The following TNR variants were observed in gnomAD, a reference collection of about 807,000 sequenced individuals.
TNR encodes tenascin R, also known as tenascin-R.
In TNR, 45 loss-of-function variants were observed where a neutral mutation model predicts 150.4. That is an observed-to-expected ratio of 0.30 (90% CI 0.24 to 0.38). The LOEUF (loss-of-function observed/expected upper bound fraction) is 0.38, where lower values mean the gene tolerates loss of function less well. Among genes scored for constraint, TNR ranks in the 10% least tolerant of loss-of-function variants. TNR has a pLI of 1.00. For synonymous variants in TNR, 687 were observed against 678.4 expected (o/e 1.01, Z -0.20); for missense variants, 1,544 against 1,759.1 (o/e 0.88, Z 2.19).
intron 1 of TNR, among the ~76,000 whole-genome samples, chr1:175,613,298 C>G (rs1203275097): frequency 6.6e-6 from 1 of 152,168 alleles, no homozygotes. Flanking sequence ...CACAGTGCAT[C>G]CTTGTTCTAA....
chr1:175,416,673 C>T (rs1654468602), intron 2 of TNR, among the ~76,000 whole-genome samples: 1 of 152,266 alleles, frequency 6.6e-6, no homozygotes, highest in African/African-American at 2.4e-5. Context: ...GTTTCTGTTT[C>T]CTGCCCACAC....
At chr1:175,623,419 A>G (rs1438798923) in intron 1 of TNR, among the ~76,000 whole-genome samples, 1 of 152,204 alleles carries the variant, frequency 6.6e-6, no homozygotes, top group Non-Finnish European at 1.5e-5. Flanking sequence ...AATGCTGTGA[A>G]TCAGCCCTCT....
chr1:175,705,575 G>A (rs1023043788), intron 1 of TNR, among the ~76,000 whole-genome samples: 4 of 152,004 alleles, frequency 2.6e-5, no homozygotes, highest in African/African-American at 9.7e-5. Context: ...TGTGATGTGT[G>A]TACCTATGTA....
intron 20 of TNR, among the ~76,000 whole-genome samples, chr1:175,331,051 T>TTCTTTCTTTCTTTCTTTCTTTCTTTCTG (rs1649787049): frequency 6.6e-5 from 7 of 106,700 alleles, no homozygotes; most frequent in African/African-American, 2.5e-4. Flanking sequence ...CTTTCTTTCT[T>TTCTTTCTTTCTTTCTTTCTTTCTTTCTG]TCTTTCTTTC....
chr1:175,331,005 CTTTCT>C (rs1557867120), intron 20 of TNR, among the ~76,000 whole-genome samples: 3 of 38,960 alleles, frequency 7.7e-5, no homozygotes, highest in African/African-American at 3.0e-4. Context: ...GTGATTCTTT[CTTTCT>C]TTCTTTCTTT....
At chr1:175,513,539 G>T (rs546461069) in intron 2 of TNR, among the ~76,000 whole-genome samples, 1 of 152,316 alleles carries the variant, frequency 6.6e-6, no homozygotes, top group East Asian at 1.9e-4. Flanking sequence ...CAGTGCTGCT[G>T]CGACTGGGTA....
intron 2 of TNR, among the ~76,000 whole-genome samples, chr1:175,473,664 C>T (rs990366596): frequency 4.6e-5 from 7 of 152,190 alleles, no homozygotes; most frequent in South Asian, 2.1e-4. Context: ...TGATTCTGCC[C>T]GCTAGACCCT....
chr1:175,427,792 C>T lies in TNR; in HGVS notation c.-63-21015G>A, dbSNP rs1221605754. 2.2e-5 allele frequency among the ~76,000 whole-genome samples: 3 copies of T among 138,992 alleles called. No homozygotes were observed. In the East Asian group the frequency reaches 6.5e-4, roughly 30 times the overall value. The allele number at this position is 138,992 out of a possible 152,430, so 91.2% of individuals were successfully genotyped here. On this transcript the variant is annotated intron_variant, in intron 2 of 22. Transcript: ENST00000367674. ...CTTCCCTCTTTCTTTCCCTTTCTTC[C>T]TTCCTTCCTTCCTCCCTTCCCTCTT...
At chr1:175,477,433 T>C (rs73044464) in intron 2 of TNR, among the ~76,000 whole-genome samples, 3 of 152,346 alleles carry the variant, frequency 2.0e-5, no homozygotes, top group African/African-American at 4.8e-5. Flanking sequence ...ACTGTGATGC[T>C]ATCTACATGT....
rs55981326 is a variant in TNR at position 175,353,851 on chromosome 1, A to ATTTTT, written c.3382+535_3382+539dup. Among the ~76,000 whole-genome samples the ATTTTT allele has an allele frequency of 6.6e-3, 961 of 146,186 alleles. 4 individuals are homozygous for ATTTTT. Among genetic ancestry groups the ATTTTT allele is most frequent in the African/African-American group, 0.015 (576 of 39,296 alleles). ...AACCTGATTTTTTAAATTTTTATTT[A>ATTTTT]TTTTTTTTTTTTGAGACGGAGTCTC... is the stretch of plus-strand genomic sequence containing the variant. On this transcript the variant is annotated intron_variant, in intron 18 of 22. Transcript: ENST00000367674.
intron 6 of TNR, among the ~76,000 whole-genome samples, chr1:175,392,627 G>A (rs1365570795): frequency 6.6e-6 from 1 of 152,062 alleles, no homozygotes; most frequent in East Asian, 1.9e-4. Flanking sequence ...AACTCAAATA[G>A]GACACATTTG....
intron 1 of TNR, among the ~76,000 whole-genome samples, chr1:175,560,174 A>T (rs10913005): frequency 0.09 from 13,773 of 152,282 alleles, 685 homozygotes; most frequent in Middle Eastern, 0.14. Context: ...TGAATGCAGA[A>T]CTTTAGTTCT....
intron 1 of TNR, among the ~76,000 whole-genome samples, chr1:175,564,322 A>T (rs1247081026): frequency 6.6e-6 from 1 of 152,130 alleles, no homozygotes; most frequent in African/African-American, 2.4e-5. Context: ...ATTCAGATCC[A>T]TTGCCCCAGA....
rs770294839 is a variant in TNR, at chr1:175,391,427, C to G, written c.1368G>C (p.Gly456=). 27 of 1,614,034 alleles carry G rather than the reference C, an allele frequency of 1.7e-5. No individual in the cohort carries two copies. The East Asian group carries it at 3.1e-4, about 19-fold the overall frequency. Residue 456 remains glycine, a synonymous_variant, in exon 7 of 23, where the codon GGG becomes GGC. Transcript: ENST00000367674. ...EISFIPKNNE[G]GVIAQVPSDV... is the part of the protein sequence containing the mutation. Reference sequence around the variant, plus strand: ...CGCTGGGGACCTGAGCAATCACTCCCCCTTCATTGTTCTGGACAGTGGGGA... The same window carrying G: ...CGCTGGGGACCTGAGCAATCACTCCGCCTTCATTGTTCTGGACAGTGGGGA...
intron 2 of TNR, among the ~76,000 whole-genome samples, chr1:175,457,896 A>G (rs1571467772): frequency 6.6e-6 from 1 of 152,258 alleles, no homozygotes; most frequent in Non-Finnish European, 1.5e-5. Flanking sequence ...ACAAAAATTG[A>G]TATCATAAAA....
chr1:175,639,698 G>A (rs558389192), intron 1 of TNR, among the ~76,000 whole-genome samples: 6 of 152,102 alleles, frequency 3.9e-5, no homozygotes, highest in Non-Finnish European at 8.8e-5. Flanking sequence ...ACCTCATCCT[G>A]GCTAACTTTC....
chr1:175,468,552 A>G (rs1657133565), intron 2 of TNR, among the ~76,000 whole-genome samples: 1 of 152,200 alleles, frequency 6.6e-6, no homozygotes, highest in Admixed American at 6.5e-5. Flanking sequence ...GGAGACTATG[A>G]ACACAGAGTA....
At chr1:175,548,216 A>T (rs1398389699) in intron 1 of TNR, among the ~76,000 whole-genome samples, 1 of 151,914 alleles carries the variant, frequency 6.6e-6, no homozygotes, top group Non-Finnish European at 1.5e-5. Flanking sequence ...CAGTTTTAGA[A>T]CCCCATGTCT....
chr1:175,681,363 G>A (rs1011850535), intron 1 of TNR, among the ~76,000 whole-genome samples: 1 of 152,188 alleles, frequency 6.6e-6, no homozygotes, highest in Admixed American at 6.5e-5. Context: ...GCTTGCTGGG[G>A]ATGCCAGTGG....
Sources: gnomAD v4.1 joint callset for allele counts (sites outside exome capture counted in the v4.1 genomes callset) on GRCh38, gnomAD v4.1.1 for gene constraint, MANE v1.5 for transcripts, NCBI Gene and HGNC (gene_info 2026-07-23, HGNC 2026-07-21) for gene names.